The following TBC1D22B variants were observed in gnomAD, a reference collection of about 807,000 sequenced individuals.
The protein encoded by TBC1D22B is chromosome 6 open reading frame 197.
Under a neutral mutation model 69.1 loss-of-function variants are expected in TBC1D22B, and 32 were observed. The ratio of observed to expected loss-of-function variants is 0.46; its 90% CI spans 0.35 to 0.62. The LOEUF (loss-of-function observed/expected upper bound fraction) is 0.62, where lower values mean the gene tolerates loss of function less well. Among genes scored for constraint, TBC1D22B ranks in the 20% least tolerant of loss-of-function variants. The pLI is 0.00. For missense variants in TBC1D22B, 462 were observed against 630.9 expected, an observed-to-expected ratio of 0.73 and a Z score of 2.87; for synonymous variants, 206 against 229.8, an observed-to-expected ratio of 0.90 and a Z score of 0.94.
intron 8 of TBC1D22B, among the ~76,000 whole-genome samples, chr6:37,294,202 T>A (rs190509084): frequency 9.2e-4 from 140 of 152,326 alleles, no homozygotes; most frequent in African/African-American, 2.7e-3. Flanking sequence ...CTTTCTTTTT[T>A]AAATTTAATT....
At chr6:37,272,938 ACCTTT>A (rs1463869522) in intron 2 of TBC1D22B, among the ~76,000 whole-genome samples, 1 of 152,092 alleles carries the variant, frequency 6.6e-6, no homozygotes, top group Non-Finnish European at 1.5e-5. Flanking sequence ...ATTGGCTTAA[ACCTTT>A]CATGATAATT....
At chr6:37,321,151 G>A (rs1342638487) in intron 12 of TBC1D22B, among the ~76,000 whole-genome samples, 6 of 151,994 alleles carry the variant, frequency 3.9e-5, no homozygotes, top group Non-Finnish European at 7.4e-5. Flanking sequence ...AATCCTACAA[G>A]GTAGGCTATA....
chr6:37,325,726 T>C (rs1226041409), intron 12 of TBC1D22B, among the ~76,000 whole-genome samples: 1 of 151,936 alleles, frequency 6.6e-6, no homozygotes, highest in African/African-American at 2.4e-5. Flanking sequence ...ATTTTTTGTA[T>C]TTTAGTAGAG....
In TBC1D22B at chr6:37,277,234, C is replaced by T. The variant is rs116996949; in HGVS notation, c.114-2070C>T. ...TATGCAATCTTAATGTACACGTGGCCTCTAAGGAGGAAAAACAGTAATAAC... is the reference window on the plus strand; with the variant it reads ...TATGCAATCTTAATGTACACGTGGCTTCTAAGGAGGAAAAACAGTAATAAC... On this transcript the variant is annotated intron_variant, in intron 2 of 12. Coordinates refer to ENST00000373491, the MANE Select transcript of TBC1D22B (RefSeq NM_017772.4). Among the ~76,000 whole-genome samples, 772 of 152,236 alleles carry T rather than the reference C, an allele frequency of 5.1e-3. 36 individuals are homozygous for T. In the East Asian group the frequency reaches 0.091, roughly 18 times the overall value.
At chr6:37,268,910 T>C (rs1766391513) in intron 1 of TBC1D22B, among the ~76,000 whole-genome samples, 1 of 152,250 alleles carries the variant, frequency 6.6e-6, no homozygotes, top group Non-Finnish European at 1.5e-5. Context: ...TTCTGCTATA[T>C]AAACATATTG....
At chr6:37,309,463 A>G (rs1319546747) in intron 8 of TBC1D22B, among the ~76,000 whole-genome samples, 1 of 152,220 alleles carries the variant, frequency 6.6e-6, no homozygotes, top group Non-Finnish European at 1.5e-5. Flanking sequence ...CTTTCAATTT[A>G]TTATGGAGCT....
Position 37,331,182 on chromosome 6 carries a change from C to T in TBC1D22B, c.*10C>T. 1 of 1,613,820 alleles carries T rather than the reference C, an allele frequency of 6.2e-7. No homozygotes were observed. Among genetic ancestry groups the T allele is most frequent in the Non-Finnish European group, 8.5e-7 (1 of 1,179,816 alleles). On this transcript the variant is annotated 3_prime_UTR_variant, in exon 13 of 13. Coordinates refer to ENST00000373491, the MANE Select transcript of TBC1D22B (RefSeq NM_017772.4). ...TCACTACCGCCGATAGGTGCTGTCT[C>T]CTCCGGGGACCCAGACTGCCTTCAT...
intron 12 of TBC1D22B, among the ~76,000 whole-genome samples, chr6:37,323,035 G>A (rs1300487589): frequency 1.3e-5 from 2 of 152,128 alleles, no homozygotes; most frequent in East Asian, 1.9e-4. Context: ...GGGGACAGGC[G>A]CCTGAGCAAA....
At chr6:37,275,640 C>A (rs1766646293) in intron 2 of TBC1D22B, among the ~76,000 whole-genome samples, 1 of 152,078 alleles carries the variant, frequency 6.6e-6, no homozygotes, top group African/African-American at 2.4e-5. Context: ...AAAATACCCA[C>A]CTCATAGGAT....
chr6:37,293,462 T>G (rs1767259827), intron 8 of TBC1D22B, among the ~76,000 whole-genome samples: 1 of 152,186 alleles, frequency 6.6e-6, no homozygotes, highest in Non-Finnish European at 1.5e-5. Context: ...CAGGGTGCCA[T>G]GAACTGCCTC....
chr6:37,312,969 G>A lies in TBC1D22B; in HGVS notation c.1034G>A (p.Arg345Gln), dbSNP rs371644904. 12 of 1,614,106 alleles carry A rather than the reference G, an allele frequency of 7.4e-6. No homozygotes were observed. Among genetic ancestry groups the A allele is most frequent in the Middle Eastern group, 1.6e-4 (1 of 6,084 alleles). Reference protein sequence around the residue: ...DVTNLSQDMLRSIEADSFWCM... With the variant: ...DVTNLSQDMLQSIEADSFWCM... ...ACCAACTTGTCTCAAGACATGCTGCGAAGCATTGAGGCTGACAGCTTTTGG... is the reference window on the plus strand; with the variant it reads ...ACCAACTTGTCTCAAGACATGCTGCAAAGCATTGAGGCTGACAGCTTTTGG... Residue 345 changes from arginine (R) to glutamine (Q), a missense_variant, in exon 9 of 13, where the codon CGA becomes CAA. Around this residue, in one of 2 missense-constraint regions of TBC1D22B, gnomAD observed 225 missense variants for 375.4 expected, o/e 0.60. Coordinates refer to ENST00000373491, the MANE Select transcript of TBC1D22B (RefSeq NM_017772.4).
At chr6:37,290,657 A>C (rs947254290) in intron 7 of TBC1D22B, among the ~76,000 whole-genome samples, 1 of 152,116 alleles carries the variant, frequency 6.6e-6, no homozygotes, top group African/African-American at 2.4e-5. Flanking sequence ...TCCTATCCTT[A>C]GCAAACATCT....
At chr6:37,282,401 G>T in intron 4 of TBC1D22B, 37 bp downstream of exon 4, 1 of 1,533,514 alleles carries the variant, frequency 6.5e-7, no homozygotes, top group Non-Finnish European at 8.8e-7. Flanking sequence ...TAGGAGCTTT[G>T]GGTGACTGGA....
rs1389652519 is a variant in TBC1D22B at position 37,278,929 on chromosome 6, A to C, written c.114-375A>C. Among the ~76,000 whole-genome samples the C allele has an allele frequency of 1.6e-4, 18 of 111,998 alleles. No individual in the cohort carries two copies. The South Asian group carries it at 3.8e-3, about 24-fold the overall frequency. The allele number at this position is 111,998 out of a possible 152,430, so 73.5% of individuals were successfully genotyped here. The stretch of plus-strand genomic sequence containing the variant: ...GCCTAGGTGACAGAAACTCTGTCTC[A>C]AAAAAAAAAAAGAGAGAGGTTATAC... On this transcript the variant is annotated intron_variant, in intron 2 of 12. Transcript: ENST00000373491.
intron 6 of TBC1D22B, among the ~76,000 whole-genome samples, chr6:37,285,490 A>G (rs1338492926): frequency 1.3e-5 from 2 of 150,474 alleles, no homozygotes; most frequent in African/African-American, 4.9e-5. Flanking sequence ...AGGCCCGGCT[A>G]ATTTTTTCTT....
intron 8 of TBC1D22B, among the ~76,000 whole-genome samples, chr6:37,309,678 T>C (rs1293091513): frequency 6.6e-6 from 1 of 152,178 alleles, no homozygotes; most frequent in East Asian, 1.9e-4. Context: ...GAGAAGAGTC[T>C]GCCTGAGCCT....
chr6:37,298,204 AAAATC>A (rs1203945189), intron 8 of TBC1D22B, among the ~76,000 whole-genome samples: 2 of 152,330 alleles, frequency 1.3e-5, no homozygotes, highest in South Asian at 4.1e-4. Flanking sequence ...ATTTAAAAAA[AAAATC>A]AAAACAATAT....
intron 1 of TBC1D22B, among the ~76,000 whole-genome samples, chr6:37,266,460 CT>C (rs1334444503): frequency 8.4e-6 from 1 of 119,406 alleles, no homozygotes; most frequent in Non-Finnish European, 1.7e-5. Flanking sequence ...ATAGAACTGC[CT>C]CATTCTTTTT....
intron 7 of TBC1D22B, among the ~76,000 whole-genome samples, chr6:37,289,214 A>G (rs1214672708): frequency 6.6e-6 from 1 of 152,238 alleles, no homozygotes. Context: ...AATGCCAACC[A>G]AGAAGCAAAG....
Sources: gnomAD v4.1 joint callset for allele counts (sites outside exome capture counted in the v4.1 genomes callset) on GRCh38, gnomAD v4.1.1 for gene constraint, gnomAD v4.1.1 regional missense constraint, MANE v1.5 for transcripts, NCBI Gene and HGNC (gene_info 2026-07-23, HGNC 2026-07-21) for gene names.